Variants in THSD7A observed in about 807,000 individuals in gnomAD.
THSD7A encodes the protein thrombospondin type 1 domain containing 7A.
A neutral mutation model predicts 231.3 loss-of-function variants in THSD7A; 96 were observed. That is an observed-to-expected ratio of 0.41 (90% CI 0.35 to 0.49). The LOEUF is 0.49. Ranked by LOEUF, THSD7A falls within the 20% of genes least tolerant of loss-of-function variation. THSD7A has a pLI of 0.05. For missense variants in THSD7A, 2,290 were observed against 2,070.2 expected (o/e 1.11, Z -2.06); for synonymous variants, 940 against 743.3 (o/e 1.26, Z -4.30).
At chr7:11,812,740 C>T (rs1784570195) in intron 1 of THSD7A, among the ~76,000 whole-genome samples, 2 of 152,116 alleles carry the variant, frequency 1.3e-5, no homozygotes, top group South Asian at 4.1e-4. Context: ...ACCTTGGCTT[C>T]TTCAATCAAA....
intron 13 of THSD7A, among the ~76,000 whole-genome samples, chr7:11,438,687 A>G (rs550615577): frequency 6.6e-6 from 1 of 152,166 alleles, no homozygotes; most frequent in Non-Finnish European, 1.5e-5. Flanking sequence ...GAACATAATT[A>G]AAGTGGCCTA....
rs1009308579 is a variant in THSD7A, at chr7:11,699,453, C to G, written c.191-62492G>C. 2.6e-5 allele frequency among the ~76,000 whole-genome samples: 4 copies of G among 151,200 alleles called. No individual in the cohort carries two copies. The East Asian group carries it at 7.9e-4, about 30-fold the overall frequency. ...TTCAGGGTATCCAGCTATTTATTAGCATTGATTATTAATTTTCTTATCAGT... is the reference window on the plus strand; with the variant it reads ...TTCAGGGTATCCAGCTATTTATTAGGATTGATTATTAATTTTCTTATCAGT... On this transcript the variant is annotated intron_variant, in intron 1 of 27. Transcript: ENST00000423059.
intron 4 of THSD7A, among the ~76,000 whole-genome samples, chr7:11,584,383 T>C (rs1053011378): frequency 6.6e-6 from 1 of 152,198 alleles, no homozygotes; most frequent in African/African-American, 2.4e-5. Context: ...TACTCTTAAA[T>C]TTTTAACATG....
intron 13 of THSD7A, among the ~76,000 whole-genome samples, chr7:11,436,147 GC>G (rs1784625206): frequency 6.6e-6 from 1 of 151,938 alleles, no homozygotes; most frequent in Non-Finnish European, 1.5e-5. Flanking sequence ...AAAATCAGAT[GC>G]AGAGTTTAAA....
At chr7:11,781,699 A>G (rs1783637553) in intron 1 of THSD7A, among the ~76,000 whole-genome samples, 1 of 152,226 alleles carries the variant, frequency 6.6e-6, no homozygotes, top group Non-Finnish European at 1.5e-5. Context: ...CTGTTTGAGA[A>G]CTAAAAGTAA....
intron 4 of THSD7A, among the ~76,000 whole-genome samples, chr7:11,587,486 C>G (rs1274691478): frequency 6.6e-6 from 1 of 152,132 alleles, no homozygotes; most frequent in Non-Finnish European, 1.5e-5. Context: ...TAGACACTCT[C>G]CAATATTGAT....
chr7:11,607,157 T>C (rs1780760424), intron 2 of THSD7A, among the ~76,000 whole-genome samples: 1 of 152,140 alleles, frequency 6.6e-6, no homozygotes, highest in Non-Finnish European at 1.5e-5. Context: ...ATATTTAAAA[T>C]TATACTCAGA....
chr7:11,578,140 T>C (rs896636813), intron 4 of THSD7A, among the ~76,000 whole-genome samples: 3 of 152,198 alleles, frequency 2.0e-5, no homozygotes, highest in African/African-American at 7.2e-5. Context: ...AATTAGCCTT[T>C]ATTGCATGCT....
At chr7:11,745,419 C>G (rs1332660313) in intron 1 of THSD7A, among the ~76,000 whole-genome samples, 1 of 152,010 alleles carries the variant, frequency 6.6e-6, no homozygotes, top group Non-Finnish European at 1.5e-5. Context: ...ATGATACTTT[C>G]TTTTGCTGTG....
In THSD7A at chr7:11,420,823, C is replaced by T. The variant is rs1784119664; in HGVS notation, c.3384-3220G>A. ...CGAGCTGCCCAAGGCCTTGGGAACC[C>T]ACCCCTGTGTCATTGTGTCCTGGAT... On this transcript the variant is annotated intron_variant, in intron 16 of 27. Transcript: ENST00000423059. Among the ~76,000 whole-genome samples the T allele has an allele frequency of 3.3e-5, 5 of 152,218 alleles. No homozygotes were observed. The South Asian group carries it at 6.2e-4, about 19-fold the overall frequency.
chr7:11,378,929 T>C (rs1033119316), intron 26 of THSD7A, 141 bp downstream of exon 26: 4 of 713,500 alleles, frequency 5.6e-6, no homozygotes, highest in Admixed American at 2.9e-5. Flanking sequence ...AATTGAAGAA[T>C]AGATGGCACT....
intron 4 of THSD7A, among the ~76,000 whole-genome samples, chr7:11,578,892 T>C (rs1436611907): frequency 6.6e-6 from 1 of 152,202 alleles, no homozygotes; most frequent in African/African-American, 2.4e-5. Flanking sequence ...ACTGAGGACA[T>C]GTAACTTTGT....
At chr7:11,439,952 A>T (rs1784751508) in intron 13 of THSD7A, among the ~76,000 whole-genome samples, 1 of 152,054 alleles carries the variant, frequency 6.6e-6, no homozygotes, top group Non-Finnish European at 1.5e-5. Flanking sequence ...AGAAAACAAC[A>T]TCTGGGACTT....
chr7:11,484,347 C>T (rs1786557790), intron 6 of THSD7A, among the ~76,000 whole-genome samples: 1 of 152,070 alleles, frequency 6.6e-6, no homozygotes, highest in South Asian at 2.1e-4. Context: ...GTTGTCTCAG[C>T]AGTTTTGCAC....
At chr7:11,682,698 T>C (rs1055804354) in intron 1 of THSD7A, among the ~76,000 whole-genome samples, 1 of 152,040 alleles carries the variant, frequency 6.6e-6, no homozygotes. Context: ...AGACATATCA[T>C]CAAGGTATAA....
intron 4 of THSD7A, among the ~76,000 whole-genome samples, chr7:11,552,799 G>C (rs1156786646): frequency 6.6e-6 from 1 of 152,078 alleles, no homozygotes; most frequent in African/African-American, 2.4e-5. Context: ...GAGTTCATTT[G>C]CATAATAAGA....
At chr7:11,638,337 C>T (rs192616981) in intron 1 of THSD7A, among the ~76,000 whole-genome samples, 3 of 152,140 alleles carry the variant, frequency 2.0e-5, no homozygotes, top group Non-Finnish European at 4.4e-5. Context: ...CCAGTTCCAA[C>T]TTTTAGTTGT....
rs1784504231 is a variant in THSD7A, at chr7:11,432,421, A to G, written c.3065-3296T>C. 3.9e-5 allele frequency among the ~76,000 whole-genome samples: 6 copies of G among 152,108 alleles called. No homozygotes were observed. In the South Asian group the frequency reaches 1.2e-3, roughly 31 times the overall value. On this transcript the variant is annotated intron_variant, in intron 13 of 27. Transcript: ENST00000423059. Reference sequence around the variant, plus strand: ...TCCATAGACGTAAATTTCACTGAACACACCCCTGAAATCAATAGTCCAGAA... The same window carrying G: ...TCCATAGACGTAAATTTCACTGAACGCACCCCTGAAATCAATAGTCCAGAA...
At chr7:11,771,876 G>A (rs1426892105) in intron 1 of THSD7A, among the ~76,000 whole-genome samples, 4 of 152,080 alleles carry the variant, frequency 2.6e-5, no homozygotes, top group African/African-American at 9.7e-5. Flanking sequence ...CTCAGATCTG[G>A]TTGTTTAAAA....
Sources: allele counts gnomAD v4.1 joint callset (sites outside exome capture counted in the v4.1 genomes callset), GRCh38; gene constraint gnomAD v4.1.1; transcripts MANE v1.5; gene names NCBI Gene and HGNC (gene_info 2026-07-23, HGNC 2026-07-21).